The following MAP4K5 variants were observed in gnomAD, a reference collection of about 807,000 sequenced individuals.
MAP4K5 encodes the protein MAPK/ERK kinase kinase kinase 5.
MAP4K5 carries 82 observed loss-of-function variants against 135.6 expected under a neutral mutation model. The ratio of observed to expected loss-of-function variants is 0.60; its 90% CI spans 0.51 to 0.73. MAP4K5 has a LOEUF of 0.73. Among genes scored for constraint, MAP4K5 ranks in the 30% least tolerant of loss-of-function variants. The pLI, the probability that MAP4K5 is intolerant of heterozygous loss-of-function variation, is 0.00. For missense variants in MAP4K5, 907 were observed against 1,010.9 expected (o/e 0.90, Z 1.39); for synonymous variants, 347 against 335.0 (o/e 1.04, Z -0.39).
intron 9 of MAP4K5, among the ~76,000 whole-genome samples, chr14:50,471,552 C>CATA (rs1423947481): frequency 6.6e-6 from 1 of 151,970 alleles, no homozygotes; most frequent in African/African-American, 2.4e-5. Flanking sequence ...TTTTCAAAAA[C>CATA]ATAACTAACA....
chr14:50,497,784 T>TA (rs921707809), intron 3 of MAP4K5, among the ~76,000 whole-genome samples: 3 of 152,178 alleles, frequency 2.0e-5, no homozygotes, highest in African/African-American at 4.8e-5. Context: ...CTTATTTTAT[T>TA]AAAAAATACT....
intron 18 of MAP4K5, 75 bp from the exon 19 acceptor site, chr14:50,444,111 C>T: frequency 5.0e-6 from 5 of 990,358 alleles, no homozygotes; most frequent in Middle Eastern, 2.1e-4. Context: ...TCCCCTTTCT[C>T]CCACTATTTG....
chr14:50,480,092 T>A (rs961464613), intron 6 of MAP4K5, among the ~76,000 whole-genome samples: 2 of 152,206 alleles, frequency 1.3e-5, no homozygotes, highest in Non-Finnish European at 2.9e-5. Flanking sequence ...TGGAAGTTTA[T>A]CTGCATAATA....
chr14:50,426,302 T>A (rs1454771453), intron 30 of MAP4K5, among the ~76,000 whole-genome samples: 1 of 152,184 alleles, frequency 6.6e-6, no homozygotes, highest in Non-Finnish European at 1.5e-5. Flanking sequence ...ATGAATAAAA[T>A]CATAAAAACA....
Position 50,448,811 on chromosome 14 carries a change from G to A in MAP4K5, c.1037C>T (p.Pro346Leu). ...TGCTTCTGTTTCTTTTCTCAGAGGAGGTTCAAATTGTAATTTGTCAACTGC... is the reference window on the plus strand; with the variant it reads ...TGCTTCTGTTTCTTTTCTCAGAGGAAGTTCAAATTGTAATTTGTCAACTGC... ...EINFDKLQFE[P>L]PLRKETEARD... is the part of the protein sequence containing the mutation. Residue 346 changes from proline to leucine, a missense_variant, in exon 15 of 33, where the codon CCT (proline) becomes CTT (leucine). Transcript: ENST00000682126. 1 of 1,561,052 alleles carries A rather than the reference G, an allele frequency of 6.4e-7. No homozygotes were observed. The highest frequency in any genetic ancestry group is 8.7e-7 in the Non-Finnish European group (1 of 1,146,336).
intron 3 of MAP4K5, among the ~76,000 whole-genome samples, chr14:50,499,566 G>A (rs10220578): frequency 3.2e-4 from 49 of 151,938 alleles, no homozygotes; most frequent in Non-Finnish European, 5.4e-4. Flanking sequence ...GCTGAGGCAC[G>A]AGAATCACTT....
rs200561870 is a variant in MAP4K5, at chr14:50,514,998, G to A, written c.109-10141C>T. On this transcript the variant is annotated intron_variant, in intron 2 of 32. Coordinates refer to ENST00000682126, the MANE Select transcript of MAP4K5 (RefSeq NM_006575.6). ...GGCTCACTGCAGCCTCTGCCTCCCA[G>A]GTTCAAGTAATTCTCTCGCTTCAGC... Among the ~76,000 whole-genome samples, 5 of 151,884 alleles carry A rather than the reference G, an allele frequency of 3.3e-5. No individual in the cohort carries two copies. The East Asian group carries it at 9.7e-4, about 29-fold the overall frequency.
At chr14:50,508,144 G>A (rs2037851865) in intron 2 of MAP4K5, among the ~76,000 whole-genome samples, 1 of 152,084 alleles carries the variant, frequency 6.6e-6, no homozygotes, top group South Asian at 2.1e-4. Context: ...TTGAAAGTCT[G>A]TTTTATCAGA....
intron 31 of MAP4K5, among the ~76,000 whole-genome samples, chr14:50,424,192 CAAG>C (rs1235245630): frequency 6.6e-6 from 1 of 150,976 alleles, no homozygotes. Context: ...AGTCTGGTAT[CAAG>C]GAGTTTGCAG....
chr14:50,444,197 A>G (rs1366154969), intron 18 of MAP4K5, among the ~76,000 whole-genome samples, 161 bp from the exon 19 acceptor site: 1 of 151,970 alleles, frequency 6.6e-6, no homozygotes, highest in South Asian at 2.1e-4. Context: ...CTTTCTCTAG[A>G]TTCTATAGAG....
chr14:50,508,493 A>G (rs2037859620), intron 2 of MAP4K5, among the ~76,000 whole-genome samples: 2 of 151,604 alleles, frequency 1.3e-5, no homozygotes, highest in Admixed American at 6.6e-5. Context: ...ACATGTTCTC[A>G]CTCATAGGTG....
At chr14:50,545,548 T>G (rs996117229) in intron 1 of MAP4K5, among the ~76,000 whole-genome samples, 4 of 152,284 alleles carry the variant, frequency 2.6e-5, no homozygotes, top group Admixed American at 2.6e-4. Flanking sequence ...GGAGTAAGCA[T>G]GTAGTGCAAG....
intron 22 of MAP4K5, 113 bp from the exon 23 acceptor site, chr14:50,440,186 C>A: frequency 1.2e-6 from 1 of 856,264 alleles, no homozygotes. Flanking sequence ...AGGTAATTAT[C>A]AAACCCTTAA....
At chr14:50,439,872 G>A in intron 23 of MAP4K5, 141 bp downstream of exon 23, 2 of 898,370 alleles carry the variant, frequency 2.2e-6, no homozygotes, top group Non-Finnish European at 3.2e-6. Flanking sequence ...ATTCTAGGTG[G>A]GTAGCAAATA....
At chr14:50,433,134 G>A (rs1309024147) in intron 28 of MAP4K5, among the ~76,000 whole-genome samples, 1 of 152,210 alleles carries the variant, frequency 6.6e-6, no homozygotes, top group African/African-American at 2.4e-5. Flanking sequence ...ACTGTGCCCA[G>A]CCTGGGGAAA....
chr14:50,530,649 T>C (rs889021183), intron 2 of MAP4K5, among the ~76,000 whole-genome samples: 3 of 152,216 alleles, frequency 2.0e-5, no homozygotes, highest in Non-Finnish European at 4.4e-5. Flanking sequence ...AAGAGGATTG[T>C]TACAAACATA....
chr14:50,528,274 T>C (rs2038310220), intron 2 of MAP4K5, among the ~76,000 whole-genome samples: 1 of 152,038 alleles, frequency 6.6e-6, no homozygotes, highest in Non-Finnish European at 1.5e-5. Context: ...ACTCTCCCTC[T>C]TGGGGATTCT....
chr14:50,419,280 A>G lies in MAP4K5; in HGVS notation c.*739T>C, dbSNP rs760600587. The G allele has an allele frequency of 2.0e-5, 3 of 152,028 alleles. No homozygotes were observed. Among genetic ancestry groups the G allele is most frequent in the South Asian group, 2.1e-4 (1 of 4,830 alleles). 9.4% of individuals were successfully genotyped at this position (152,028 alleles called of 1,614,324 possible). A position where few individuals can be genotyped will look rare whatever the true frequency, so the allele number is the denominator to read the frequency against. On this transcript the variant is annotated 3_prime_UTR_variant, in exon 33 of 33. Coordinates refer to ENST00000682126, the MANE Select transcript of MAP4K5 (RefSeq NM_006575.6). ...TCTAAGAATATTTCAACTATCATCA[A>G]TATCTTCTGTATGATCCCTTACAAC...
intron 14 of MAP4K5, among the ~76,000 whole-genome samples, chr14:50,450,849 G>C (rs2036468022): frequency 1.3e-5 from 2 of 152,166 alleles, no homozygotes; most frequent in South Asian, 4.1e-4. Flanking sequence ...ATAAAATCCA[G>C]ATGCTCAACA....
Sources: gnomAD v4.1 joint callset for allele counts (sites outside exome capture counted in the v4.1 genomes callset) on GRCh38, gnomAD v4.1.1 for gene constraint, MANE v1.5 for transcripts, NCBI Gene and HGNC (gene_info 2026-07-23, HGNC 2026-07-21) for gene names.